Variants in STEAP1B observed in about 807,000 individuals in gnomAD.
The protein encoded by STEAP1B is STEAP family protein MGC87042.
Under a neutral mutation model 27.9 loss-of-function variants are expected in STEAP1B, and 13 were observed. The ratio of observed to expected loss-of-function variants is 0.47; its 90% confidence interval spans 0.30 to 0.74. The LOEUF (loss-of-function observed/expected upper bound fraction) is 0.74, where lower values mean the gene tolerates loss of function less well. Among genes scored for constraint, STEAP1B ranks in the 30% least tolerant of loss-of-function variants. The pLI, the probability that STEAP1B is intolerant of heterozygous loss-of-function variation, is 0.06. For missense variants in STEAP1B, 250 were observed against 298.7 expected (o/e 0.84, Z 1.20); for synonymous variants, 86 against 107.1 (o/e 0.80, Z 1.22).
chr7:22,485,510 A>G lies in STEAP1B; in HGVS notation c.762+7055T>C, dbSNP rs183197287. Among the ~76,000 whole-genome samples the G allele has an allele frequency of 4.6e-5, 7 of 152,266 alleles. No individual in the cohort carries two copies. The East Asian group carries it at 1.3e-3, about 29-fold the overall frequency. On this transcript the variant is annotated intron_variant, in intron 4 of 4. Coordinates refer to ENST00000678116, the MANE Select transcript of STEAP1B (RefSeq NM_001382447.1). ...GAACAACTTTTTTATTTTTTTAGAG[A>G]TAGGTTCTCACTCTGTTGCTAAGGC...
At chr7:22,497,222 T>C (rs772139489) in intron 1 of STEAP1B, among the ~76,000 whole-genome samples, 36 of 152,228 alleles carry the variant, frequency 2.4e-4, no homozygotes, top group Admixed American at 1.7e-3. Flanking sequence ...GATATTTATA[T>C]ATGGAAGTGG....
intron 4 of STEAP1B, among the ~76,000 whole-genome samples, chr7:22,420,065 T>C (rs1365331801): frequency 6.6e-6 from 1 of 152,092 alleles, no homozygotes; most frequent in Non-Finnish European, 1.5e-5. Context: ...GAAGACTACA[T>C]TGTGGGGCAA....
In STEAP1B at chr7:22,445,449, C is replaced by G. The variant is rs1406292697; in HGVS notation, c.763-25613G>C. 2.0e-5 allele frequency among the ~76,000 whole-genome samples: 3 copies of G among 152,280 alleles called. No individual in the cohort carries two copies. The East Asian group carries it at 5.8e-4, about 29-fold the overall frequency. ...GTCAGCCAGTCGTGCTGGGATCTGC[C>G]GGCAGCCTTGTGAGAACCGGGCAGG... is the stretch of plus-strand genomic sequence containing the variant. On this transcript the variant is annotated intron_variant, in intron 4 of 4. Transcript: ENST00000678116.
At chr7:22,498,055 G>A (rs915158962) in intron 1 of STEAP1B, among the ~76,000 whole-genome samples, 2 of 152,124 alleles carry the variant, frequency 1.3e-5, no homozygotes, top group Non-Finnish European at 2.9e-5. Context: ...GTTTGCAATA[G>A]GGTTCATGTA....
At chr7:22,447,389 T>C (rs532440981) in intron 4 of STEAP1B, among the ~76,000 whole-genome samples, 1 of 152,354 alleles carries the variant, frequency 6.6e-6, no homozygotes, top group Non-Finnish European at 1.5e-5. Flanking sequence ...GGTTGGAAGA[T>C]CAGTCAATAT....
chr7:22,431,398 CAA>C (rs1785185487), intron 4 of STEAP1B, among the ~76,000 whole-genome samples: 1 of 151,960 alleles, frequency 6.6e-6, no homozygotes, highest in South Asian at 2.1e-4. Flanking sequence ...TCTTTTTTTC[CAA>C]AAGTCTCTGG....
intron 4 of STEAP1B, among the ~76,000 whole-genome samples, chr7:22,486,748 C>T (rs1786215847): frequency 6.6e-6 from 1 of 152,122 alleles, no homozygotes; most frequent in Admixed American, 6.5e-5. Flanking sequence ...CCCTCACTCC[C>T]TCTCAGGCAA....
intron 4 of STEAP1B, chr7:22,438,295 G>A: frequency 1.7e-6 from 1 of 602,522 alleles, no homozygotes; most frequent in South Asian, 2.1e-5. Flanking sequence ...TATATGCTTG[G>A]TGTCCTATGC....
intron 4 of STEAP1B, among the ~76,000 whole-genome samples, chr7:22,488,716 T>C (rs1786263621): frequency 6.6e-6 from 1 of 152,210 alleles, no homozygotes; most frequent in Non-Finnish European, 1.5e-5. Flanking sequence ...AGGAAACCAC[T>C]GCTGACTGGC....
chr7:22,457,813 C>A (rs1322265946), intron 4 of STEAP1B, among the ~76,000 whole-genome samples: 5 of 152,216 alleles, frequency 3.3e-5, no homozygotes, highest in Non-Finnish European at 7.3e-5. Flanking sequence ...ACTGCAAGGT[C>A]CTCACCTGCC....
At chr7:22,438,828 T>G in intron 4 of STEAP1B, 1 of 1,436,880 alleles carries the variant, frequency 7.0e-7, no homozygotes. Flanking sequence ...CTGTGATAAG[T>G]GTATAATGAG....
At chr7:22,481,095 C>T (rs764838475) in intron 4 of STEAP1B, among the ~76,000 whole-genome samples, 5 of 152,248 alleles carry the variant, frequency 3.3e-5, no homozygotes, top group Non-Finnish European at 7.3e-5. Context: ...CCTCGTTTCA[C>T]AGTAATGTAA....
chr7:22,447,058 T>C (rs1251321208), intron 4 of STEAP1B, among the ~76,000 whole-genome samples: 3 of 152,208 alleles, frequency 2.0e-5, no homozygotes, highest in Admixed American at 1.3e-4. Flanking sequence ...TTAGGGTAAA[T>C]GTCTGAAGAG....
At position 22,438,755 on chromosome 7, in the gene STEAP1B, C is replaced by T. The variant is rs115424050; in HGVS notation, c.763-18919G>A. The T allele has an allele frequency of 5.9e-3, 9,185 of 1,544,746 alleles. 491 individuals are homozygous for T. The African/African-American group carries it at 0.11, about 19-fold the overall frequency. ...GCTACCAGGCTTCCAGTCAGTATAG[C>T]CTAGAAAATGAAAAGAAATGATACA... is the stretch of plus-strand genomic sequence containing the variant. On this transcript the variant is annotated intron_variant, in intron 4 of 4. Coordinates refer to ENST00000678116, the MANE Select transcript of STEAP1B (RefSeq NM_001382447.1).
chr7:22,435,731 A>G (rs1785245208), intron 4 of STEAP1B, among the ~76,000 whole-genome samples: 1 of 152,218 alleles, frequency 6.6e-6, no homozygotes, highest in African/African-American at 2.4e-5. Flanking sequence ...CACGATACGC[A>G]CCGTGGGCAG....
intron 4 of STEAP1B, among the ~76,000 whole-genome samples, chr7:22,434,477 CCTTT>C (rs1785229500): frequency 6.6e-6 from 1 of 152,034 alleles, no homozygotes; most frequent in Admixed American, 6.6e-5. Context: ...TTGAATGTTT[CCTTT>C]CTTTCATATT....
At chr7:22,450,077 C>T (rs191605211) in intron 4 of STEAP1B, among the ~76,000 whole-genome samples, 1 of 152,126 alleles carries the variant, frequency 6.6e-6, no homozygotes, top group East Asian at 1.9e-4. Flanking sequence ...ATATTTTCTC[C>T]CATTCTGTGG....
chr7:22,432,683 C>A (rs2128400254), intron 4 of STEAP1B, among the ~76,000 whole-genome samples: 1 of 152,326 alleles, frequency 6.6e-6, no homozygotes, highest in African/African-American at 2.4e-5. Flanking sequence ...CTGTAATGAG[C>A]CCCTTCATTA....
rs192343745 is a variant in STEAP1B, at chr7:22,422,803, A to G, written c.763-2967T>C. 5.3e-3 allele frequency among the ~76,000 whole-genome samples: 814 copies of G among 152,342 alleles called. 8 individuals carry two copies. The highest frequency in any genetic ancestry group is 9.4e-3 in the Non-Finnish European group (637 of 68,028). On this transcript the variant is annotated intron_variant, in intron 4 of 4. Coordinates refer to ENST00000678116, the MANE Select transcript of STEAP1B (RefSeq NM_001382447.1). Reference sequence around the variant, plus strand: ...GGGGATTTTTATCCCACTATTTCAAAAAGATTTGAAGCAGTCACTGACAGT... The same window carrying G: ...GGGGATTTTTATCCCACTATTTCAAGAAGATTTGAAGCAGTCACTGACAGT...
Sources: allele counts gnomAD v4.1 joint callset (sites outside exome capture counted in the v4.1 genomes callset), GRCh38; gene constraint gnomAD v4.1.1; transcripts MANE v1.5; gene names NCBI Gene and HGNC (gene_info 2026-07-23, HGNC 2026-07-21).